The following KIRREL3 variants were observed in gnomAD, a reference collection of about 807,000 sequenced individuals.
The protein encoded by KIRREL3 is kirre like nephrin family adhesion molecule 3, also known as kin of IRRE-like protein 3.
KIRREL3 carries 36 observed loss-of-function variants against 89.7 expected under a neutral mutation model. The ratio of observed to expected loss-of-function variants is 0.40; its 90% CI spans 0.31 to 0.53. The LOEUF (loss-of-function observed/expected upper bound fraction) is 0.53, where lower values mean the gene tolerates loss of function less well. Among genes scored for constraint, KIRREL3 ranks in the 20% least tolerant of loss-of-function variants. The pLI, the probability that KIRREL3 is intolerant of heterozygous loss-of-function variation, is 0.49. For synonymous variants in KIRREL3, 445 were observed against 441.4 expected, an observed-to-expected ratio of 1.01 and a Z score of -0.10; for missense variants, 864 against 1,056.6, an observed-to-expected ratio of 0.82 and a Z score of 2.53.
At chr11:126,456,496 G>T (rs372933038) in intron 6 of KIRREL3, 42 bp from the exon 7 acceptor site, 305 of 1,326,714 alleles carry the variant, frequency 2.3e-4, no homozygotes, top group Middle Eastern at 3.6e-4. Context: ...GAGAAAGAAT[G>T]GGGGCAGGGA....
chr11:126,494,920 C>T (rs181779899), intron 4 of KIRREL3, among the ~76,000 whole-genome samples: 3 of 152,356 alleles, frequency 2.0e-5, no homozygotes, highest in African/African-American at 4.8e-5. Context: ...GCCACAAGGG[C>T]CCCGGGCCTG....
intron 1 of KIRREL3, among the ~76,000 whole-genome samples, chr11:126,634,575 A>T (rs1032940982): frequency 6.6e-6 from 1 of 152,142 alleles, no homozygotes; most frequent in Non-Finnish European, 1.5e-5. Flanking sequence ...GGAGCTTTGC[A>T]GGGGAAATGA....
chr11:126,440,726 G>T (rs1417040110), intron 10 of KIRREL3, 177 bp from the exon 11 acceptor site: 1 of 654,318 alleles, frequency 1.5e-6, no homozygotes, highest in East Asian at 2.7e-5. Context: ...TAGGCATTCA[G>T]TCATAAACCT....
rs568584120 is a variant in KIRREL3 at position 126,740,783 on chromosome 11, C to A, written c.56-177871G>T. 6.6e-6 allele frequency among the ~76,000 whole-genome samples: 1 copy of A among 152,246 alleles called. No individual in the cohort carries two copies. Among genetic ancestry groups the A allele is most frequent in the South Asian group, 2.1e-4 (1 of 4,814 alleles). On this transcript the variant is annotated intron_variant, in intron 1 of 16. Transcript: ENST00000525144. The surrounding 1 kb of genome is among the most constrained non-coding windows in gnomAD (Gnocchi z 6.0). The stretch of plus-strand genomic sequence containing the variant: ...TTGCATTGCTGGGCTAAAATATATC[C>A]TTTCCTTGTTGGGAGCAGAGAGGGT...
Position 126,796,999 on chromosome 11 carries a change from C to T in KIRREL3, c.55+203456G>A, listed in dbSNP as rs1012224484. ...AATGTTTCTGGGGTGGAGGTCATATCAGGGCTGGGGACAGAAAGGCTGATC... is the reference window on the plus strand; with the variant it reads ...AATGTTTCTGGGGTGGAGGTCATATTAGGGCTGGGGACAGAAAGGCTGATC... On this transcript the variant is annotated intron_variant, in intron 1 of 16. Transcript: ENST00000525144. The surrounding 1 kb of genome is among the most constrained non-coding windows in gnomAD (Gnocchi z 5.1). Among the ~76,000 whole-genome samples, 1 of 152,142 alleles carries T rather than the reference C, an allele frequency of 6.6e-6. No individual in the cohort carries two copies. Among genetic ancestry groups the T allele is most frequent in the African/African-American group, 2.4e-5 (1 of 41,430 alleles).
At chr11:126,832,936 TAAA>T (rs1943658386) in intron 1 of KIRREL3, among the ~76,000 whole-genome samples, 1 of 152,186 alleles carries the variant, frequency 6.6e-6, no homozygotes. Flanking sequence ...CAAGCTATGT[TAAA>T]ATAACGTTAA....
At chr11:126,856,119 GTA>G (rs1370311079) in intron 1 of KIRREL3, among the ~76,000 whole-genome samples, 1 of 152,150 alleles carries the variant, frequency 6.6e-6, no homozygotes, top group Non-Finnish European at 1.5e-5. Context: ...ACTTTGTGGG[GTA>G]TGTGTCTCTG....
Position 126,492,902 on chromosome 11 carries a change from T to C in KIRREL3, c.434-19436A>G, listed in dbSNP as rs1425675833. Among the ~76,000 whole-genome samples, 3 of 151,818 alleles carry C rather than the reference T, an allele frequency of 2.0e-5. No individual in the cohort carries two copies. The East Asian group carries it at 5.8e-4, about 29-fold the overall frequency. The stretch of plus-strand genomic sequence containing the variant: ...TCTCCAGAAAAGACAGACCAGGGGA[T>C]GAGGGTGGAGGAATTAAGTTAGACA... On this transcript the variant is annotated intron_variant, in intron 4 of 16. Transcript: ENST00000525144. This position sits in a 1 kb window ranked among gnomAD's most constrained non-coding sequence, Gnocchi z 4.8.
rs1044406074 is a variant in KIRREL3 at position 126,516,283 on chromosome 11, A to G, written c.433+5032T>C. ...CACAAGACAGCAGAGTTAATATTAGAACGGGCCAGGAAGAAGAGGGAAATG... is the reference window on the plus strand; with the variant it reads ...CACAAGACAGCAGAGTTAATATTAGGACGGGCCAGGAAGAAGAGGGAAATG... On this transcript the variant is annotated intron_variant, in intron 4 of 16. Coordinates refer to ENST00000525144, the MANE Select transcript of KIRREL3 (RefSeq NM_032531.4). This position sits in a 1 kb window ranked among gnomAD's most constrained non-coding sequence, Gnocchi z 4.9. Among the ~76,000 whole-genome samples, 7 of 152,124 alleles carry G rather than the reference A, an allele frequency of 4.6e-5. No homozygotes were observed. The highest frequency in any genetic ancestry group is 1.0e-4 in the Non-Finnish European group (7 of 68,020).
rs1957044468 is a variant in KIRREL3 at position 126,475,692 on chromosome 11, C to T, written c.434-2226G>A. On this transcript the variant is annotated intron_variant, in intron 4 of 16. Coordinates refer to ENST00000525144, the MANE Select transcript of KIRREL3 (RefSeq NM_032531.4). The surrounding 1 kb of genome is among the most constrained non-coding windows in gnomAD (Gnocchi z 7.5). The stretch of plus-strand genomic sequence containing the variant: ...GAGAAGACGACCCCCCAGCCGCCCA[C>T]CCCACACCCTTTCATTAGTGCCCAT... 6.6e-6 allele frequency among the ~76,000 whole-genome samples: 1 copy of T among 152,238 alleles called. No homozygotes were observed. Among genetic ancestry groups the T allele is most frequent in the African/African-American group, 2.4e-5 (1 of 41,464 alleles).
rs991939196 is a variant in KIRREL3 at position 126,697,577 on chromosome 11, T to C, written c.56-134665A>G. 1.3e-5 allele frequency among the ~76,000 whole-genome samples: 2 copies of C among 152,206 alleles called. No homozygotes were observed. Among genetic ancestry groups the C allele is most frequent in the African/African-American group, 2.4e-5 (1 of 41,454 alleles). ...TGAATACATGAATAGTGATTAGAGA[T>C]GAGGCCCCAGGACCTATAGCTTTAG... On this transcript the variant is annotated intron_variant, in intron 1 of 16. Transcript: ENST00000525144. This position sits in a 1 kb window ranked among gnomAD's most constrained non-coding sequence, Gnocchi z 4.2.
intron 1 of KIRREL3, among the ~76,000 whole-genome samples, chr11:126,756,994 C>T (rs762336036): frequency 3.3e-5 from 5 of 152,100 alleles, no homozygotes; most frequent in Admixed American, 6.5e-5. Context: ...CCAACAAATG[C>T]GGCTCCAATT....
rs1472273399 is a variant in KIRREL3 at position 127,000,275 on chromosome 11, A to T, written c.55+180T>A. Among the ~76,000 whole-genome samples, 2 of 152,112 alleles carry T rather than the reference A, an allele frequency of 1.3e-5. No homozygotes were observed. Among genetic ancestry groups the T allele is most frequent in the Non-Finnish European group, 2.9e-5 (2 of 68,028 alleles). ...CCCTTCTTTCCAAAGGAAAATAAAC[A>T]GTACCATTTTGTTGCATTCGCAAAG... On this transcript the variant is annotated intron_variant, in intron 1 of 16. Transcript: ENST00000525144. This position sits in a 1 kb window ranked among gnomAD's most constrained non-coding sequence, Gnocchi z 7.1.
At chr11:126,845,950 A>G (rs1176265074) in intron 1 of KIRREL3, among the ~76,000 whole-genome samples, 1 of 152,178 alleles carries the variant, frequency 6.6e-6, no homozygotes, top group Non-Finnish European at 1.5e-5. Context: ...GGGAAAAAAC[A>G]CACAAAAAAA....
At position 126,808,684 on chromosome 11, in the gene KIRREL3, G is replaced by T. The variant is rs893862315; in HGVS notation, c.55+191771C>A. 7.2e-5 allele frequency among the ~76,000 whole-genome samples: 11 copies of T among 152,092 alleles called. No homozygotes were observed. The highest frequency in any genetic ancestry group is 2.4e-4 in the African/African-American group (10 of 41,422). On this transcript the variant is annotated intron_variant, in intron 1 of 16. Coordinates refer to ENST00000525144, the MANE Select transcript of KIRREL3 (RefSeq NM_032531.4). This position sits in a 1 kb window ranked among gnomAD's most constrained non-coding sequence, Gnocchi z 4.1. ...GATTAAATGCTGAATTGTATTTTGG[G>T]GTCTGAGTTTTGTCATGCAAACGAA...
rs1282639687 is a variant in KIRREL3, at chr11:126,776,386, C to T, written c.56-213474G>A. Among the ~76,000 whole-genome samples the T allele has an allele frequency of 6.6e-6, 1 of 152,188 alleles. No individual in the cohort carries two copies. The highest frequency in any genetic ancestry group is 1.5e-5 in the Non-Finnish European group (1 of 68,040). On this transcript the variant is annotated intron_variant, in intron 1 of 16. Coordinates refer to ENST00000525144, the MANE Select transcript of KIRREL3 (RefSeq NM_032531.4). This position sits in a 1 kb window ranked among gnomAD's most constrained non-coding sequence, Gnocchi z 4.7. ...CTGTCTTACGCAAGTCATGAAACCT[C>T]ACTGAACCAGTTTCCCATTGGTAAA... is the stretch of plus-strand genomic sequence containing the variant.
At chr11:126,679,523 C>T (rs1039488547) in intron 1 of KIRREL3, among the ~76,000 whole-genome samples, 4 of 152,162 alleles carry the variant, frequency 2.6e-5, no homozygotes, top group African/African-American at 9.7e-5. Context: ...AGGTCACACA[C>T]CTATTCCAGG....
At chr11:126,461,966 G>T (rs1022254851) in intron 6 of KIRREL3, among the ~76,000 whole-genome samples, 2 of 152,234 alleles carry the variant, frequency 1.3e-5, no homozygotes, top group Admixed American at 1.3e-4. Context: ...ATGTTTGGCG[G>T]CAGGGAGGGG....
At chr11:126,510,082 G>C (rs938249457) in intron 4 of KIRREL3, among the ~76,000 whole-genome samples, 4 of 151,856 alleles carry the variant, frequency 2.6e-5, no homozygotes, top group Admixed American at 6.6e-5. Context: ...TTGGATCTGG[G>C]CTAATATTTC....
Sources: gnomAD v4.1 joint callset for allele counts (sites outside exome capture counted in the v4.1 genomes callset) on GRCh38, gnomAD v4.1.1 for gene constraint, Gnocchi (gnomAD v3.1) non-coding constraint, MANE v1.5 for transcripts, NCBI Gene and HGNC (gene_info 2026-07-23, HGNC 2026-07-21) for gene names.